MTUS2: variants seen among roughly 807,000 people sequenced by gnomAD.
The protein encoded by MTUS2 is microtubule-associated tumor suppressor candidate 2.
Under a neutral mutation model 114.1 loss-of-function variants are expected in MTUS2, and 40 were observed. The ratio of observed to expected loss-of-function variants is 0.35; its 90% CI spans 0.27 to 0.46. The LOEUF is 0.46. Ranked by LOEUF, MTUS2 falls within the 20% of genes least tolerant of loss-of-function variation. MTUS2 has a pLI of 1.00. For missense variants in MTUS2, 1,679 were observed against 1,705.4 expected (o/e 0.98, Z 0.27); for synonymous variants, 688 against 672.0 (o/e 1.02, Z -0.37).
chr13:29,314,661 G>A (rs1289827961), intron 6 of MTUS2, among the ~76,000 whole-genome samples: 1 of 152,310 alleles, frequency 6.6e-6, no homozygotes, highest in Admixed American at 6.5e-5. Flanking sequence ...AAATGTGGAA[G>A]TGATGAGTAT....
At position 28,930,619 on chromosome 13, in the gene MTUS2, G is replaced by GT. The variant is rs1197875650; in HGVS notation, c.-243+90772dup. 7.9e-5 allele frequency among the ~76,000 whole-genome samples: 12 copies of GT among 152,194 alleles called. 1 individual carries two copies. On this transcript the variant is annotated intron_variant, in intron 2 of 15. Transcript: ENST00000612955. ...AGAACATCTCACATATCTAAGATTT[G>GT]TTTAGCTCTTCAGGCACTGATAGGA...
chr13:29,344,774 A>G (rs1387454657), intron 7 of MTUS2, among the ~76,000 whole-genome samples: 4 of 152,056 alleles, frequency 2.6e-5, no homozygotes, highest in African/African-American at 9.7e-5. Flanking sequence ...TTTATGCTTT[A>G]AGGTGGTTCT....
rs76210793 is a variant in MTUS2, at chr13:29,363,808, A to G, written c.3117+4335A>G. 3.7e-3 allele frequency among the ~76,000 whole-genome samples: 556 copies of G among 152,316 alleles called. 3 individuals are homozygous for G. Among genetic ancestry groups the G allele is most frequent in the African/African-American group, 0.013 (530 of 41,566 alleles). On this transcript the variant is annotated intron_variant, in intron 8 of 15. Transcript: ENST00000612955. ...GTAGGTAGGGAGGATTCAAAAAAGT[A>G]AGAGGCAGAACTTTAACAATAGAGC...
At chr13:29,029,907 C>A (rs1343513668) in intron 3 of MTUS2, among the ~76,000 whole-genome samples, 1 of 152,192 alleles carries the variant, frequency 6.6e-6, no homozygotes, top group Admixed American at 6.5e-5. Context: ...ACACACCTCC[C>A]ACTAGACCCC....
chr13:29,163,769 C>T (rs1893198540), intron 5 of MTUS2, among the ~76,000 whole-genome samples: 2 of 152,130 alleles, frequency 1.3e-5, no homozygotes, highest in South Asian at 2.1e-4. Flanking sequence ...CTCTCTCATC[C>T]ATCCTGAGTG....
At chr13:29,452,558 GTATATA>G (rs140653029) in intron 9 of MTUS2, among the ~76,000 whole-genome samples, 55 of 120,184 alleles carry the variant, frequency 4.6e-4, no homozygotes, top group African/African-American at 1.8e-3. Context: ...ACCCAACTGT[GTATATA>G]TATATATATA....
At chr13:29,492,944 T>C (rs977487466) in intron 12 of MTUS2, among the ~76,000 whole-genome samples, 7 of 152,190 alleles carry the variant, frequency 4.6e-5, no homozygotes, top group African/African-American at 1.4e-4. Context: ...TTGCACCAAA[T>C]GAATAATACA....
intron 8 of MTUS2, among the ~76,000 whole-genome samples, chr13:29,395,549 C>T (rs2138463031): frequency 6.6e-6 from 1 of 152,284 alleles, no homozygotes; most frequent in East Asian, 1.9e-4. Flanking sequence ...AGGGTCTCCT[C>T]ACTCAAAGGG....
intron 2 of MTUS2, among the ~76,000 whole-genome samples, chr13:28,942,434 G>A (rs898528649): frequency 6.6e-6 from 1 of 152,208 alleles, no homozygotes; most frequent in South Asian, 2.1e-4. Context: ...TTATTTGCAT[G>A]CCTTATAGAC....
intron 7 of MTUS2, among the ~76,000 whole-genome samples, chr13:29,349,419 T>C (rs139909225): frequency 2.2e-3 from 334 of 152,300 alleles, no homozygotes; most frequent in Middle Eastern, 0.017. Context: ...ACACTCAGTT[T>C]TCTTTTAAAG....
chr13:28,882,037 C>T (rs1313601350), intron 2 of MTUS2, among the ~76,000 whole-genome samples: 1 of 152,170 alleles, frequency 6.6e-6, no homozygotes, highest in Non-Finnish European at 1.5e-5. Context: ...CAATCCTTCC[C>T]TCACACCATG....
intron 5 of MTUS2, among the ~76,000 whole-genome samples, chr13:29,263,279 G>T (rs1267598230): frequency 6.6e-6 from 1 of 152,152 alleles, no homozygotes; most frequent in African/African-American, 2.4e-5. Flanking sequence ...TCCTATAGAA[G>T]TATGTCTTCC....
At chr13:28,999,366 A>T (rs1002784737) in intron 2 of MTUS2, among the ~76,000 whole-genome samples, 3 of 152,206 alleles carry the variant, frequency 2.0e-5, no homozygotes, top group Admixed American at 1.3e-4. Flanking sequence ...CAGTCTGCCC[A>T]TTCTCAGATC....
chr13:29,244,983 T>TAAAAAAAAAAA (rs1156962360), intron 5 of MTUS2, among the ~76,000 whole-genome samples: 16 of 98,562 alleles, frequency 1.6e-4, no homozygotes, highest in Non-Finnish European at 2.3e-4. Flanking sequence ...AAAAAAAAAG[T>TAAAAAAAAAAA]AAAAGTCTGT....
At chr13:29,240,098 A>G (rs2139392214) in intron 5 of MTUS2, 2 of 152,310 alleles carry the variant, frequency 1.3e-5, no homozygotes, top group South Asian at 4.1e-4. Flanking sequence ...TGTCAGAGAA[A>G]ACCTCTTCAG....
intron 8 of MTUS2, among the ~76,000 whole-genome samples, chr13:29,378,493 C>T (rs114154871): frequency 1.7e-4 from 26 of 152,156 alleles, no homozygotes; most frequent in Admixed American, 1.2e-3. Context: ...CACTCCCTGC[C>T]GTGCTCGTGC....
At chr13:29,296,666 T>C (rs1439276130) in intron 6 of MTUS2, among the ~76,000 whole-genome samples, 9 of 152,190 alleles carry the variant, frequency 5.9e-5, no homozygotes, top group Non-Finnish European at 8.8e-5. Context: ...ATGACCTCAG[T>C]GTGGTTTTGA....
intron 5 of MTUS2, among the ~76,000 whole-genome samples, chr13:29,193,470 T>A (rs1894533560): frequency 6.6e-6 from 1 of 151,992 alleles, no homozygotes. Context: ...GAGAGGCAAA[T>A]CATGAGTGAA....
At chr13:29,356,285 C>G (rs1566150440) in intron 7 of MTUS2, among the ~76,000 whole-genome samples, 1 of 152,162 alleles carries the variant, frequency 6.6e-6, no homozygotes, top group African/African-American at 2.4e-5. Flanking sequence ...CATCCCAGAC[C>G]CACCATGTGC....
Sources: gnomAD v4.1 joint callset for allele counts (sites outside exome capture counted in the v4.1 genomes callset) on GRCh38, gnomAD v4.1.1 for gene constraint, MANE v1.5 for transcripts, NCBI Gene and HGNC (gene_info 2026-07-23, HGNC 2026-07-21) for gene names.